CASTOR2: variants seen among roughly 807,000 people sequenced by gnomAD.
CASTOR2 encodes GATS protein like 2.
CASTOR2 carries 8 observed loss-of-function variants against 31.2 expected under a neutral mutation model. The observed-to-expected ratio is 0.26, with a 90% CI of 0.15 to 0.46. The LOEUF (loss-of-function observed/expected upper bound fraction) is 0.46. Ranked by LOEUF, CASTOR2 falls within the 20% of genes least tolerant of loss-of-function variation. CASTOR2 has a pLI of 0.99. For synonymous variants in CASTOR2, 162 were observed against 158.7 expected, an observed-to-expected ratio of 1.02 and a Z score of -0.16; for missense variants, 216 against 382.1, an observed-to-expected ratio of 0.57 and a Z score of 3.62.
chr7:75,029,418 G>T lies in CASTOR2; in HGVS notation c.*4719G>T, dbSNP rs1227395373. Reference sequence around the variant, plus strand: ...GAGTGCAGTGGTGCGATCTCGGTTCGCTGCAACCTCTGCTTCCCAGGTTCA... The same window carrying T: ...GAGTGCAGTGGTGCGATCTCGGTTCTCTGCAACCTCTGCTTCCCAGGTTCA... On this transcript the variant is annotated 3_prime_UTR_variant, in exon 9 of 9. Transcript: ENST00000616305. 6.8e-6 allele frequency among the ~76,000 whole-genome samples: 1 copy of T among 146,964 alleles called. No homozygotes were observed. The highest frequency in any genetic ancestry group is 2.5e-5 in the African/African-American group (1 of 39,470).
chr7:75,004,643 T>C (rs1386828548), intron 1 of CASTOR2, among the ~76,000 whole-genome samples: 14 of 152,010 alleles, frequency 9.2e-5, no homozygotes, highest in Non-Finnish European at 1.9e-4. Flanking sequence ...ATTGGGGTTT[T>C]GCCATGTTGG....
At chr7:74,967,495 C>T (rs1462129265) in intron 1 of CASTOR2, among the ~76,000 whole-genome samples, 1 of 147,270 alleles carries the variant, frequency 6.8e-6, no homozygotes, top group African/African-American at 2.5e-5. Context: ...TTAGCCCAGA[C>T]TAGCACAGCA....
At chr7:75,010,973 C>A (rs1584473451) in intron 2 of CASTOR2, among the ~76,000 whole-genome samples, 1 of 152,178 alleles carries the variant, frequency 6.6e-6, no homozygotes, top group East Asian at 1.9e-4. Flanking sequence ...CTGCCTCAGC[C>A]TTCTGAGTAG....
rs1804644274 is a variant in CASTOR2 at position 75,008,079 on chromosome 7, C to T, written c.184+15C>T. 2 of 1,613,708 alleles carry T rather than the reference C, an allele frequency of 1.2e-6. No homozygotes were observed. Among genetic ancestry groups the T allele is most frequent in the Non-Finnish European group, 1.7e-6 (2 of 1,179,728 alleles). Reference sequence around the variant, plus strand: ...AGGATTCCTAGGTAAGTGCTTCTCTCCCTAGGGGCTCGGCTGGACCATGCC... The same window carrying T: ...AGGATTCCTAGGTAAGTGCTTCTCTTCCTAGGGGCTCGGCTGGACCATGCC... On this transcript the variant is annotated intron_variant, in intron 2 of 8. Transcript: ENST00000616305.
chr7:74,974,466 G>A lies in CASTOR2; in HGVS notation c.113+9368G>A, dbSNP rs1164345741. Among the ~76,000 whole-genome samples, 14 of 150,928 alleles carry A rather than the reference G, an allele frequency of 9.3e-5. 1 individual carries two copies. The highest frequency in any genetic ancestry group is 3.4e-4 in the African/African-American group (14 of 40,778). ...GGGCATGGCTGGGAGTGCAGGGGCA[G>A]GGGGGAGTCTGGGAGGATGGAGGGA... On this transcript the variant is annotated intron_variant, in intron 1 of 8. Coordinates refer to ENST00000616305, the MANE Select transcript of CASTOR2 (RefSeq NM_001145064.3).
intron 2 of CASTOR2, among the ~76,000 whole-genome samples, chr7:75,012,114 G>A (rs1233358735): frequency 1.4e-3 from 212 of 152,284 alleles, no homozygotes; most frequent in African/African-American, 4.4e-3. Context: ...GCCTAAATAA[G>A]GAGAAAGTGC....
At position 75,025,100 on chromosome 7, in the gene CASTOR2, G is replaced by A. The variant is rs1167800688; in HGVS notation, c.*401G>A. On this transcript the variant is annotated 3_prime_UTR_variant, in exon 9 of 9. Transcript: ENST00000616305. ...AGCTGTCATGTCACCTTGCAGGGCT[G>A]GGGCTGGCGGGGTGGGGCCGAGTTT... 6.6e-6 allele frequency among the ~76,000 whole-genome samples: 1 copy of A among 152,248 alleles called. No individual in the cohort carries two copies. The highest frequency in any genetic ancestry group is 1.5e-5 in the Non-Finnish European group (1 of 68,040).
At chr7:75,005,901 G>A (rs1430711143) in intron 1 of CASTOR2, among the ~76,000 whole-genome samples, 64 of 152,332 alleles carry the variant, frequency 4.2e-4, no homozygotes, top group African/African-American at 1.3e-3. Flanking sequence ...ATGCTGAGGC[G>A]GGTGGATCAC....
At chr7:75,019,116 A>G in intron 5 of CASTOR2, 21 bp downstream of exon 5, 1 of 1,551,698 alleles carries the variant, frequency 6.4e-7, no homozygotes, top group Non-Finnish European at 8.7e-7. Flanking sequence ...CTTGGGCATG[A>G]GGGGTTGCAG....
chr7:75,012,747 T>C (rs1804783091), intron 2 of CASTOR2, among the ~76,000 whole-genome samples: 1 of 152,142 alleles, frequency 6.6e-6, no homozygotes, highest in Non-Finnish European at 1.5e-5. Flanking sequence ...CAAGCGATTC[T>C]CCTGCCTCAG....
At position 74,995,154 on chromosome 7, in the gene CASTOR2, G is replaced by A. The variant is rs587677890; in HGVS notation, c.114-12840G>A. Among the ~76,000 whole-genome samples the A allele has an allele frequency of 4.3e-3, 662 of 152,252 alleles. 5 individuals carry two copies. The highest frequency in any genetic ancestry group is 6.4e-3 in the Non-Finnish European group (432 of 68,020). The stretch of plus-strand genomic sequence containing the variant: ...GCTTGAGGAGGTGGCCCAATGGCAG[G>A]GGGTCGGGGTAAGGAGGTGGCCTCA... On this transcript the variant is annotated intron_variant, in intron 1 of 8. Transcript: ENST00000616305.
chr7:75,027,817 T>C lies in CASTOR2; in HGVS notation c.*3118T>C, dbSNP rs1805180849. ...CGTTCTGTGTGTAGCGTAGTCTTGG[T>C]TTGGTCTCCACAGCTCTTCGGGGTG... On this transcript the variant is annotated 3_prime_UTR_variant, in exon 9 of 9. Coordinates refer to ENST00000616305, the MANE Select transcript of CASTOR2 (RefSeq NM_001145064.3). 6.5e-6 allele frequency: 4 copies of C among 619,484 alleles called. No individual in the cohort carries two copies. Among genetic ancestry groups the C allele is most frequent in the Middle Eastern group, 4.3e-4 (1 of 2,312 alleles). The allele number at this position is 619,484 out of a possible 1,614,324, so 38.4% of individuals were successfully genotyped here.
intron 2 of CASTOR2, among the ~76,000 whole-genome samples, chr7:75,016,541 G>A (rs1200433832): frequency 1.3e-5 from 2 of 152,176 alleles, no homozygotes; most frequent in Non-Finnish European, 2.9e-5. Context: ...GCTGAAGGGG[G>A]AAGAGAAACC....
chr7:75,017,837 C>G, intron 3 of CASTOR2, 46 bp downstream of exon 3: 6 of 1,613,986 alleles, frequency 3.7e-6, no homozygotes, highest in Non-Finnish European at 5.1e-6. Context: ...ATGCCCGCCT[C>G]TGACACACTC....
At chr7:75,020,284 C>T (rs1309039562) in intron 6 of CASTOR2, 135 bp downstream of exon 6, 19 of 896,334 alleles carry the variant, frequency 2.1e-5, no homozygotes, top group Non-Finnish European at 2.8e-5. Context: ...GCTCTGTCGC[C>T]CAGGCTGGGG....
chr7:75,008,091 G>C, intron 2 of CASTOR2, 27 bp downstream of exon 2: 1 of 1,613,572 alleles, frequency 6.2e-7, no homozygotes, highest in Non-Finnish European at 8.5e-7. Context: ...CTAGGGGCTC[G>C]GCTGGACCAT....
chr7:74,991,219 G>T (rs2131930915), intron 1 of CASTOR2, among the ~76,000 whole-genome samples: 1 of 152,204 alleles, frequency 6.6e-6, no homozygotes, highest in East Asian at 1.9e-4. Context: ...GGGAGACGCA[G>T]TGGCCTTTAT....
At chr7:74,998,624 A>G (rs1255498407) in intron 1 of CASTOR2, among the ~76,000 whole-genome samples, 2 of 148,468 alleles carry the variant, frequency 1.3e-5, no homozygotes, top group Admixed American at 6.7e-5. Context: ...AAAGGCAGAC[A>G]GACGTGGAAG....
intron 1 of CASTOR2, among the ~76,000 whole-genome samples, chr7:74,977,184 C>CA (rs1160729242): frequency 0.051 from 1,794 of 35,252 alleles, 36 homozygotes; most frequent in East Asian, 0.065. Context: ...AACTCCATCT[C>CA]AAAAAAAAAA....
Sources: gnomAD v4.1 joint callset for allele counts (sites outside exome capture counted in the v4.1 genomes callset) on GRCh38, gnomAD v4.1.1 for gene constraint, MANE v1.5 for transcripts, NCBI Gene and HGNC (gene_info 2026-07-23, HGNC 2026-07-21) for gene names.